The following TECPR2 variants were observed in gnomAD, a reference collection of about 807,000 sequenced individuals.
TECPR2 encodes the protein tectonin beta-propeller repeat-containing protein 2.
In TECPR2, 65 loss-of-function variants were observed where a neutral mutation model predicts 138.1. That is an observed-to-expected ratio of 0.47 (90% CI 0.39 to 0.58). TECPR2 has a LOEUF of 0.58. TECPR2 is among the 20% of genes least tolerant of loss of function. TECPR2 has a pLI of 0.00. For missense variants in TECPR2, 1,553 were observed against 1,824.5 expected, an observed-to-expected ratio of 0.85 and a Z score of 2.71; for synonymous variants, 746 against 749.8, an observed-to-expected ratio of 0.99 and a Z score of 0.08.
At chr14:102,476,614 C>A (rs894165081) in intron 17 of TECPR2, among the ~76,000 whole-genome samples, 1 of 151,762 alleles carries the variant, frequency 6.6e-6, no homozygotes, top group Non-Finnish European at 1.5e-5. Flanking sequence ...AGTGGCCTCA[C>A]GTAAATGAAA....
rs58083060 is a variant in TECPR2 at position 102,478,648 on chromosome 14, C to CA, written c.3789+13373dup. On this transcript the variant is annotated intron_variant, in intron 17 of 19. Coordinates refer to ENST00000359520, the MANE Select transcript of TECPR2 (RefSeq NM_014844.5). Reference sequence around the variant, plus strand: ...TGGGTGACAGAATGAGACCCTGTCTCAAAAAAAAAAAAAAGTTTTAAATGA... The same window carrying CA: ...TGGGTGACAGAATGAGACCCTGTCTCAAAAAAAAAAAAAAAGTTTTAAATGA... 4.0e-3 allele frequency among the ~76,000 whole-genome samples: 505 copies of CA among 127,352 alleles called. 3 individuals carry two copies. The highest frequency in any genetic ancestry group is 0.012 in the African/African-American group (403 of 34,514). 83.5% of individuals were successfully genotyped at this position (127,352 alleles called of 152,430 possible). A position where few individuals can be genotyped will look rare whatever the true frequency, so the allele number is the denominator to read the frequency against.
rs1889122688 is a variant in TECPR2, at chr14:102,419,528, T to C, written c.638+4735T>C. ...GCAGGCGGTGGCCTCAGTTGGGCCC[T>C]CTCATGGGCAGCAGTGTAGGGTTGA... On this transcript the variant is annotated intron_variant, in intron 5 of 19. Transcript: ENST00000359520. The surrounding 1 kb of genome is among the most constrained non-coding windows in gnomAD (Gnocchi z 4.8). 6.6e-6 allele frequency among the ~76,000 whole-genome samples: 1 copy of C among 151,796 alleles called. No homozygotes were observed. The highest frequency in any genetic ancestry group is 1.5e-5 in the Non-Finnish European group (1 of 67,938).
chr14:102,417,697 C>CTG (rs1166194380), intron 5 of TECPR2, among the ~76,000 whole-genome samples: 2 of 152,036 alleles, frequency 1.3e-5, no homozygotes, highest in African/African-American at 4.8e-5. Flanking sequence ...CTGGCTATGG[C>CTG]TGGAGTCCAG....
intron 17 of TECPR2, among the ~76,000 whole-genome samples, chr14:102,474,573 G>A (rs1274373461): frequency 1.3e-5 from 2 of 152,168 alleles, no homozygotes; most frequent in South Asian, 2.1e-4. Context: ...GTGATGAGCC[G>A]AGATCGCGCC....
At chr14:102,424,178 T>C (rs78623677) in intron 5 of TECPR2, among the ~76,000 whole-genome samples, 6,061 of 152,284 alleles carry the variant, frequency 0.04, 134 homozygotes, top group Middle Eastern at 0.092. Context: ...GGCTACAGAC[T>C]TGCACCACAT....
chr14:102,363,847 C>T (rs1391297673), intron 1 of TECPR2, among the ~76,000 whole-genome samples: 1 of 152,148 alleles, frequency 6.6e-6, no homozygotes, highest in African/African-American at 2.4e-5. Flanking sequence ...AAGCACGGTG[C>T]CTGCCGCTGT....
intron 16 of TECPR2, among the ~76,000 whole-genome samples, chr14:102,463,066 C>T (rs143622714): frequency 0.01 from 1,586 of 152,284 alleles, 30 homozygotes; most frequent in African/African-American, 0.036. Flanking sequence ...AGCCAGAACC[C>T]GCAGACACGG....
In TECPR2 at chr14:102,439,904, C is replaced by G. The variant is rs558602775; in HGVS notation, c.2579-532C>G. ...CATCTCTTCATCAAAGTCCTCTTCA[C>G]AGTGAAAACAGGCCAACTCAGTGCA... On this transcript the variant is annotated intron_variant, in intron 10 of 19. Coordinates refer to ENST00000359520, the MANE Select transcript of TECPR2 (RefSeq NM_014844.5). Among the ~76,000 whole-genome samples, 17 of 152,352 alleles carry G rather than the reference C, an allele frequency of 1.1e-4. No homozygotes were observed. In the South Asian group the frequency reaches 2.1e-3, roughly 19 times the overall value.
chr14:102,416,333 C>T (rs1312909572), intron 5 of TECPR2, among the ~76,000 whole-genome samples: 1 of 152,128 alleles, frequency 6.6e-6, no homozygotes, highest in Non-Finnish European at 1.5e-5. Context: ...GTTGGTCAGG[C>T]TGGTCTCAAA....
At chr14:102,424,824 G>A (rs540275306) in intron 5 of TECPR2, among the ~76,000 whole-genome samples, 155 bp from the exon 6 acceptor site, 3 of 152,298 alleles carry the variant, frequency 2.0e-5, no homozygotes, top group East Asian at 3.9e-4. Context: ...TGACAGTGTG[G>A]TTTGACAAAA....
chr14:102,437,321 C>T (rs184306177), intron 9 of TECPR2, among the ~76,000 whole-genome samples: 25 of 152,224 alleles, frequency 1.6e-4, no homozygotes, highest in African/African-American at 6.0e-4. Flanking sequence ...CCAAGGTGGG[C>T]GAATCACCTG....
At chr14:102,389,394 T>G (rs1394523529) in intron 2 of TECPR2, among the ~76,000 whole-genome samples, 2 of 152,094 alleles carry the variant, frequency 1.3e-5, no homozygotes, top group African/African-American at 2.4e-5. Flanking sequence ...GGTGGAATAG[T>G]CATACTAGTG....
chr14:102,492,753 G>A (rs1751496576), intron 17 of TECPR2, among the ~76,000 whole-genome samples: 1 of 152,222 alleles, frequency 6.6e-6, no homozygotes, highest in South Asian at 2.1e-4. Flanking sequence ...GGTGAGCAAC[G>A]CGTGAGGGGG....
intron 2 of TECPR2, among the ~76,000 whole-genome samples, chr14:102,404,817 G>C (rs1433531992): frequency 6.6e-6 from 1 of 151,538 alleles, no homozygotes; most frequent in Non-Finnish European, 1.5e-5. Flanking sequence ...CAAGTGATTC[G>C]CCTGCATCAG....
chr14:102,365,875 G>A (rs1428679852), intron 1 of TECPR2, among the ~76,000 whole-genome samples: 4 of 152,158 alleles, frequency 2.6e-5, no homozygotes, highest in African/African-American at 9.7e-5. Context: ...TAGCCAATGG[G>A]GATGGGAGCA....
At chr14:102,478,091 T>A (rs182670366) in intron 17 of TECPR2, among the ~76,000 whole-genome samples, 1 of 150,460 alleles carries the variant, frequency 6.6e-6, no homozygotes, top group Non-Finnish European at 1.5e-5. Flanking sequence ...CCATTGCCCA[T>A]GCTGGAGTGC....
At chr14:102,388,231 C>G (rs1888067830) in intron 2 of TECPR2, among the ~76,000 whole-genome samples, 1 of 152,082 alleles carries the variant, frequency 6.6e-6, no homozygotes, top group Non-Finnish European at 1.5e-5. Context: ...TCACGGGTGT[C>G]CTTCTTAGCA....
chr14:102,442,324 A>G (rs910881259), intron 11 of TECPR2, among the ~76,000 whole-genome samples: 1 of 152,194 alleles, frequency 6.6e-6, no homozygotes, highest in African/African-American at 2.4e-5. Flanking sequence ...ATGAGTCTTC[A>G]GGTTGAAGCT....
intron 1 of TECPR2, among the ~76,000 whole-genome samples, chr14:102,363,358 G>T (rs1209004376): frequency 6.6e-6 from 1 of 152,144 alleles, no homozygotes; most frequent in Non-Finnish European, 1.5e-5. Flanking sequence ...CCGCAGCGGG[G>T]AACAGGGGCC....
Sources: allele counts gnomAD v4.1 joint callset (sites outside exome capture counted in the v4.1 genomes callset), GRCh38; gene constraint gnomAD v4.1.1; non-coding constraint Gnocchi (gnomAD v3.1); transcripts MANE v1.5; gene names NCBI Gene and HGNC (gene_info 2026-07-23, HGNC 2026-07-21).